Variants in REXO1 observed in about 807,000 individuals in gnomAD.
REXO1 encodes the protein RNA exonuclease 1 homolog.
REXO1 carries 42 observed loss-of-function variants against 102.6 expected under a neutral mutation model. The observed-to-expected ratio is 0.41, with a 90% CI of 0.32 to 0.53. REXO1 has a LOEUF of 0.53. Among genes scored for constraint, REXO1 ranks in the 20% least tolerant of loss-of-function variants. The pLI, the probability that REXO1 is intolerant of heterozygous loss-of-function variation, is 0.27. For missense variants in REXO1, 1,819 were observed against 1,732.5 expected (o/e 1.05, Z -0.89); for synonymous variants, 908 against 779.1 (o/e 1.17, Z -2.76).
In REXO1 at chr19:1,815,874, CGGAGGGG is replaced by C; in HGVS notation, c.*185_*191del. ...CTGGGGGGCAGAGGGTGGGGACCGG[CGGAGGGG>C]TGCGGCAGGACGTGAGCGGGGGTGG... On this transcript the variant is annotated 3_prime_UTR_variant, in exon 16 of 16. Transcript: ENST00000170168. The surrounding 1 kb of genome is among the most constrained non-coding windows in gnomAD (Gnocchi z 4.0). 2 of 1,329,168 alleles carry C rather than the reference CGGAGGGG, an allele frequency of 1.5e-6. No individual in the cohort carries two copies. The highest frequency in any genetic ancestry group is 2.6e-5 in the South Asian group (2 of 75,614). 82.3% of individuals were successfully genotyped at this position (1,329,168 alleles called of 1,614,324 possible).
intron 1 of REXO1, among the ~76,000 whole-genome samples, chr19:1,837,877 C>T (rs988267230): frequency 1.3e-5 from 2 of 152,216 alleles, no homozygotes; most frequent in Non-Finnish European, 2.9e-5. Flanking sequence ...CTCTCTGGGG[C>T]GTCCTGGGCA....
intron 1 of REXO1, among the ~76,000 whole-genome samples, chr19:1,844,687 C>T (rs1369689609): frequency 6.6e-6 from 1 of 152,232 alleles, no homozygotes; most frequent in Non-Finnish European, 1.5e-5. Context: ...ACCACTGGCA[C>T]CGGGCTGCCA....
chr19:1,825,936 T>C lies in REXO1; in HGVS notation c.1919A>G (p.Lys640Arg), dbSNP rs756775102. ...DRGRLARQPP[K>R]EEKSEEKGLS... ...CCCCTTCTCCTCACTCTTCTCTTCC[T>C]TGGGGGGCTAAGACACATGTCCGTC... The change falls in exon 3 of 16, where the codon AAG becomes AGG. Residue 640 changes from lysine (K) to arginine (R), a missense_variant. Lys to Arg is a conservative substitution (Grantham distance 26). Transcript: ENST00000170168. 1.4e-5 allele frequency: 23 copies of C among 1,610,282 alleles called. No individual in the cohort carries two copies. In the East Asian group the frequency reaches 1.6e-4, roughly 11 times the overall value.
rs752885499 is a variant in REXO1 at position 1,827,578 on chromosome 19, C to A, written c.1211G>T (p.Arg404Leu). Residue 404 changes from arginine (R) to leucine (L), a missense_variant, in exon 2 of 16, where the codon CGA becomes CTA. Arg to Leu is a moderately radical substitution (Grantham distance 102). Coordinates refer to ENST00000170168, the MANE Select transcript of REXO1 (RefSeq NM_020695.4). ...ACGGGGCTTCTCCACAGGCCGCCCT[C>A]GGCCCTTGTCCTTGGTCTTGTCCTT... ...QGKDKTKDKG[R>L]GRPVEKPRAD... The A allele has an allele frequency of 1.9e-6, 3 of 1,594,158 alleles. No homozygotes were observed. The highest frequency in any genetic ancestry group is 2.6e-6 in the Non-Finnish European group (3 of 1,176,430).
At chr19:1,845,329 C>T (rs1298324112) in intron 1 of REXO1, among the ~76,000 whole-genome samples, 1 of 152,208 alleles carries the variant, frequency 6.6e-6, no homozygotes, top group African/African-American at 2.4e-5. Flanking sequence ...GGCTGCTGGA[C>T]CATCCCTCCA....
At chr19:1,823,262 C>A (rs780897560) in intron 4 of REXO1, 32 of 353,742 alleles carry the variant, frequency 9.0e-5, no homozygotes, top group Non-Finnish European at 1.6e-4. Context: ...TGCCAGGTAC[C>A]CCGACATGGC....
intron 1 of REXO1, among the ~76,000 whole-genome samples, chr19:1,833,886 A>G (rs1322674045): frequency 6.6e-6 from 1 of 152,224 alleles, no homozygotes; most frequent in Non-Finnish European, 1.5e-5. Flanking sequence ...GAGGAGGAGC[A>G]AGGCCAGGTC....
Position 1,815,427 on chromosome 19 carries a change from G to A in REXO1, c.*639C>T, listed in dbSNP as rs779124789. 4.1e-4 allele frequency: 70 copies of A among 169,390 alleles called. No individual in the cohort carries two copies. The highest frequency in any genetic ancestry group is 4.5e-4 in the Non-Finnish European group (35 of 78,532). 10.5% of individuals were successfully genotyped at this position (169,390 alleles called of 1,614,324 possible). A position where few individuals can be genotyped will look rare whatever the true frequency, so the allele number is the denominator to read the frequency against. ...GGCCAGCTGGGTTCTCAGAGGTCACGGAGTGCAGGGGTGGGGCGGCGAGTG... is the reference window on the plus strand; with the variant it reads ...GGCCAGCTGGGTTCTCAGAGGTCACAGAGTGCAGGGGTGGGGCGGCGAGTG... On this transcript the variant is annotated 3_prime_UTR_variant, in exon 16 of 16. Coordinates refer to ENST00000170168, the MANE Select transcript of REXO1 (RefSeq NM_020695.4). The surrounding 1 kb of genome is among the most constrained non-coding windows in gnomAD (Gnocchi z 4.0).
intron 9 of REXO1, 32 bp downstream of exon 9, chr19:1,818,674 C>T (rs375284366): frequency 6.2e-7 from 1 of 1,609,328 alleles, no homozygotes; most frequent in African/African-American, 1.3e-5. Flanking sequence ...CCCGCACCTG[C>T]CCACCTAGGC....
At position 1,827,785 on chromosome 19, in the gene REXO1, C is replaced by T. The variant is rs778340341; in HGVS notation, c.1004G>A (p.Arg335Gln). The part of the protein sequence containing the change: ...EGLEAEGGGL[R>Q]ETKETAVQCD... ...CTGCACGGCCGTCTCCTTGGTCTCC[C>T]GCAGGCCGCCCCCCTCGGCCTCCAG... The change falls in exon 2 of 16, where the codon CGG becomes CAG. Residue 335 changes from arginine to glutamine, a missense_variant. Transcript: ENST00000170168. 6.3e-6 allele frequency: 10 copies of T among 1,589,004 alleles called. No individual in the cohort carries two copies. Among genetic ancestry groups the T allele is most frequent in the Admixed American group, 3.6e-5 (2 of 55,802 alleles).
intron 1 of REXO1, among the ~76,000 whole-genome samples, chr19:1,842,489 C>A (rs763757535): frequency 6.6e-6 from 1 of 152,270 alleles, no homozygotes. Flanking sequence ...CTACTGAAGA[C>A]CTAAGCAAAG....
intron 1 of REXO1, among the ~76,000 whole-genome samples, chr19:1,831,713 C>T (rs1192973424): frequency 2.0e-5 from 3 of 151,608 alleles, no homozygotes; most frequent in Non-Finnish European, 4.4e-5. Context: ...GCCGTGGTGA[C>T]CCATGCCTGT....
intron 1 of REXO1, among the ~76,000 whole-genome samples, chr19:1,837,428 C>T (rs1483706562): frequency 1.3e-5 from 2 of 152,242 alleles, no homozygotes; most frequent in African/African-American, 4.8e-5. Context: ...CAGCACTCTG[C>T]ACCCAGAGGA....
intron 1 of REXO1, among the ~76,000 whole-genome samples, chr19:1,841,304 G>A (rs967746768): frequency 6.6e-6 from 1 of 152,214 alleles, no homozygotes; most frequent in African/African-American, 2.4e-5. Flanking sequence ...AACAAGCCAC[G>A]GCCGGGCGCA....
chr19:1,818,698 C>G lies in REXO1; in HGVS notation c.2902+8G>C. On this transcript the variant is annotated splice_region_variant and intron_variant, in intron 9 of 15. Coordinates refer to ENST00000170168, the MANE Select transcript of REXO1 (RefSeq NM_020695.4). Reference sequence around the variant, plus strand: ...GCCCACCTAGGCCGTCGCAGGCCAGCGACTCACAGTCCTTGGGCCTCTTCT... The same window carrying G: ...GCCCACCTAGGCCGTCGCAGGCCAGGGACTCACAGTCCTTGGGCCTCTTCT... The G allele has an allele frequency of 6.2e-7, 1 of 1,610,464 alleles. No individual in the cohort carries two copies. Among genetic ancestry groups the G allele is most frequent in the Non-Finnish European group, 8.5e-7 (1 of 1,179,592 alleles).
In REXO1 at chr19:1,825,873, C is replaced by A; in HGVS notation, c.1982G>T (p.Arg661Met). 6.2e-7 allele frequency: 1 copy of A among 1,613,790 alleles called. No individual in the cohort carries two copies. The highest frequency in any genetic ancestry group is 8.5e-7 in the Non-Finnish European group (1 of 1,179,870). ...GLTTLFPGQK[R>M]RISHLSKQGQ... ...TTGCTTGGAAAGGTGGGAGATCCTC[C>A]TCTTCTGCCCGGGGAACAGAGTGGT... The change falls in exon 3 of 16, where the codon AGG becomes ATG. Residue 661 changes from arginine (R) to methionine (M), a missense_variant. By Grantham distance (91) the Arg-to-Met change is moderately conservative. Coordinates refer to ENST00000170168, the MANE Select transcript of REXO1 (RefSeq NM_020695.4).
chr19:1,835,890 C>G (rs781449167), intron 1 of REXO1, among the ~76,000 whole-genome samples: 1 of 152,202 alleles, frequency 6.6e-6, no homozygotes, highest in Non-Finnish European at 1.5e-5. Flanking sequence ...CCCAGGGCAA[C>G]GCAGCCCAGC....
chr19:1,819,088 C>T lies in REXO1; in HGVS notation c.2694G>A (p.Gly898=). 6.3e-7 allele frequency: 1 copy of T among 1,598,358 alleles called. No homozygotes were observed. The change falls in exon 8 of 16, where the codon GGG becomes GGA. Residue 898 remains glycine, a synonymous_variant. Coordinates refer to ENST00000170168, the MANE Select transcript of REXO1 (RefSeq NM_020695.4). Reference sequence around the variant, plus strand: ...AGCTGGTCTTGGCGGCCAACCTGCCCCCCAACACCACCTCGTGGGACACAA... The same window carrying T: ...AGCTGGTCTTGGCGGCCAACCTGCCTCCCAACACCACCTCGTGGGACACAA... ...RRVVSHEVVL[G]GRLAAKTSFS...
At chr19:1,841,002 G>A (rs28575222) in intron 1 of REXO1, among the ~76,000 whole-genome samples, 3,611 of 152,340 alleles carry the variant, frequency 0.024, 135 homozygotes, top group African/African-American at 0.083. Flanking sequence ...CCTGTCATGG[G>A]ACGGGAGGCG....
Sources: allele counts gnomAD v4.1 joint callset (sites outside exome capture counted in the v4.1 genomes callset), GRCh38; gene constraint gnomAD v4.1.1; non-coding constraint Gnocchi (gnomAD v3.1); transcripts MANE v1.5; gene names NCBI Gene and HGNC (gene_info 2026-07-23, HGNC 2026-07-21).